Variants in EDARADD observed in about 807,000 individuals in gnomAD.
The protein encoded by EDARADD is ectodysplasin-A receptor-associated adapter protein.
Under a neutral mutation model 25.6 loss-of-function variants are expected in EDARADD, and 20 were observed. The observed-to-expected ratio is 0.78, with a 90% confidence interval of 0.55 to 1.14. EDARADD has a LOEUF of 1.14. Ranked by LOEUF, EDARADD falls within the 50% of genes most tolerant of loss-of-function variation. The probability of loss-of-function intolerance (pLI) is 0.00; values close to 1 mark genes in which losing one functional copy is unlikely to be tolerated. For synonymous variants in EDARADD, 86 were observed against 94.4 expected, an observed-to-expected ratio of 0.91 and a Z score of 0.52; for missense variants, 225 against 270.1, an observed-to-expected ratio of 0.83 and a Z score of 1.17.
chr1:236,468,587 T>G (rs983957221), intron 5 of EDARADD, among the ~76,000 whole-genome samples: 2 of 152,036 alleles, frequency 1.3e-5, no homozygotes, highest in African/African-American at 4.8e-5. Flanking sequence ...ACCACTGCAC[T>G]CCAGCCTGGA....
intron 3 of EDARADD, among the ~76,000 whole-genome samples, chr1:236,360,545 T>A (rs141869357): frequency 0.22 from 30,537 of 138,754 alleles, 3,280 homozygotes; most frequent in East Asian, 0.36. Context: ...CGGTTTTTTT[T>A]TTTTTTTTTT....
rs1383428284 is a variant in EDARADD at position 236,373,788 on chromosome 1, A to G, written c.-6+22949A>G. ...AAATCTTACTTATTTTCTAATATATACATTCAAACTATAAATTTCCTTCTA... is the reference window on the plus strand; with the variant it reads ...AAATCTTACTTATTTTCTAATATATGCATTCAAACTATAAATTTCCTTCTA... On this transcript the variant is annotated intron_variant, in intron 3 of 7. Transcript: ENST00000439430. Among the ~76,000 whole-genome samples the G allele has an allele frequency of 4.6e-5, 7 of 152,328 alleles. No individual in the cohort carries two copies. The South Asian group carries it at 1.5e-3, about 32-fold the overall frequency.
At chr1:236,479,457 T>C (rs991345409) in intron 5 of EDARADD, among the ~76,000 whole-genome samples, 3 of 151,012 alleles carry the variant, frequency 2.0e-5, no homozygotes, top group African/African-American at 7.3e-5. Context: ...ATTGTGCCAC[T>C]GCCATCCAAC....
At chr1:236,405,803 T>TC (rs1571915148) in intron 1 of EDARADD, among the ~76,000 whole-genome samples, 3 of 127,134 alleles carry the variant, frequency 2.4e-5, no homozygotes, top group Admixed American at 8.0e-5. Flanking sequence ...TCTTTTTCTT[T>TC]CTTTCTTTCC....
At chr1:236,462,973 A>C (rs1326524662) in intron 4 of EDARADD, among the ~76,000 whole-genome samples, 1 of 152,254 alleles carries the variant, frequency 6.6e-6, no homozygotes, top group Non-Finnish European at 1.5e-5. Flanking sequence ...AGCCAGTGTT[A>C]AGAAAAATTA....
At chr1:236,360,594 G>T (rs1243940464) in intron 3 of EDARADD, among the ~76,000 whole-genome samples, 1 of 140,376 alleles carries the variant, frequency 7.1e-6, no homozygotes, top group Non-Finnish European at 1.5e-5. Context: ...CACCCAGGCT[G>T]GAGTGCAGTG....
rs1491575282 is a variant in EDARADD at position 236,429,218 on chromosome 1, GAT to G, written c.219+1769_219+1770del. On this transcript the variant is annotated intron_variant, in intron 4 of 5. Coordinates refer to ENST00000334232, the MANE Select transcript of EDARADD (RefSeq NM_145861.4). Reference sequence around the variant, plus strand: ...AGGGAGCGGGAGCGGGAGAGGGAGAGATTTTTTTTTTTTTTTTTTTGAGGCAG... The same window carrying G: ...AGGGAGCGGGAGCGGGAGAGGGAGAGTTTTTTTTTTTTTTTTTTGAGGCAG... Among the ~76,000 whole-genome samples the G allele has an allele frequency of 1.6e-4, 20 of 121,280 alleles. No homozygotes were observed. The East Asian group carries it at 2.5e-3, about 15-fold the overall frequency. The allele number at this position is 121,280 out of a possible 152,430, so 79.6% of individuals were successfully genotyped here. A position where few individuals can be genotyped will look rare whatever the true frequency, so the allele number is the denominator to read the frequency against.
At chr1:236,352,141 T>C (rs1666921931) in intron 3 of EDARADD, among the ~76,000 whole-genome samples, 1 of 152,144 alleles carries the variant, frequency 6.6e-6, no homozygotes, top group Non-Finnish European at 1.5e-5. Flanking sequence ...CTATTTACAG[T>C]TTCCTTTGGC....
At chr1:236,469,402 G>A (rs1012204101) in intron 5 of EDARADD, among the ~76,000 whole-genome samples, 2 of 152,140 alleles carry the variant, frequency 1.3e-5, no homozygotes, top group Non-Finnish European at 2.9e-5. Flanking sequence ...GAACCCGGGA[G>A]GCAAAGATTG....
intron 3 of EDARADD, among the ~76,000 whole-genome samples, chr1:236,381,800 G>GTTT (rs1558105353): frequency 4.1e-4 from 7 of 16,932 alleles, no homozygotes; most frequent in Non-Finnish European, 5.2e-4. Context: ...TCCTGTGGTT[G>GTTT]CTTTTTTTTT....
chr1:236,447,159 TCCC>T (rs1658565837), intron 4 of EDARADD, among the ~76,000 whole-genome samples: 1 of 126,428 alleles, frequency 7.9e-6, no homozygotes, highest in Non-Finnish European at 1.6e-5. Flanking sequence ...CCTTCCTCCC[TCCC>T]TCCCTCCCTC....
chr1:236,468,417 A>G, intron 5 of EDARADD, 141 bp downstream of exon 5: 1 of 793,186 alleles, frequency 1.3e-6, no homozygotes, highest in Admixed American at 2.0e-5. Context: ...TGAGGTCAGG[A>G]GTTCAAGACC....
At chr1:236,361,139 G>A (rs1174823832) in intron 3 of EDARADD, among the ~76,000 whole-genome samples, 2 of 152,072 alleles carry the variant, frequency 1.3e-5, no homozygotes, top group African/African-American at 4.8e-5. Flanking sequence ...TCATGTATGT[G>A]TACATCTGTG....
chr1:236,450,688 AC>A, intron 4 of EDARADD, among the ~76,000 whole-genome samples: 1 of 152,082 alleles, frequency 6.6e-6, no homozygotes, highest in Non-Finnish European at 1.5e-5. Flanking sequence ...AGCTGGGATT[AC>A]AGGCATCTGC....
intron 4 of EDARADD, among the ~76,000 whole-genome samples, chr1:236,459,985 C>T (rs1218109017): frequency 1.3e-5 from 2 of 152,084 alleles, no homozygotes; most frequent in Non-Finnish European, 2.9e-5. Context: ...TTGCCTTCCT[C>T]TTCTGTCTGT....
intron 4 of EDARADD, among the ~76,000 whole-genome samples, chr1:236,432,996 C>T (rs964635560): frequency 4.6e-5 from 7 of 151,262 alleles, no homozygotes; most frequent in African/African-American, 7.3e-5. Flanking sequence ...CATTTACTTG[C>T]GACAAATGTA....
At chr1:236,421,839 T>C (rs1657794297) in intron 3 of EDARADD, among the ~76,000 whole-genome samples, 2 of 152,058 alleles carry the variant, frequency 1.3e-5, no homozygotes, top group Admixed American at 1.3e-4. Flanking sequence ...TGAGTCTCAA[T>C]GTTAGGTCTT....
chr1:236,452,194 C>T (rs1481268684), intron 4 of EDARADD, among the ~76,000 whole-genome samples: 5 of 152,326 alleles, frequency 3.3e-5, no homozygotes, highest in African/African-American at 9.6e-5. Flanking sequence ...GTGATCTTGA[C>T]GCCCTCATCA....
chr1:236,432,620 C>T (rs1438783783), intron 4 of EDARADD, among the ~76,000 whole-genome samples: 1 of 152,080 alleles, frequency 6.6e-6, no homozygotes, highest in African/African-American at 2.4e-5. Flanking sequence ...CTCGGTGGCT[C>T]ATGCCTGTAA....
Sources: allele counts gnomAD v4.1 joint callset (sites outside exome capture counted in the v4.1 genomes callset), GRCh38; gene constraint gnomAD v4.1.1; transcripts MANE v1.5; gene names NCBI Gene and HGNC (gene_info 2026-07-23, HGNC 2026-07-21).